PXDNL: variants seen among roughly 807,000 people sequenced by gnomAD.
PXDNL encodes the protein peroxidasin like, also known as probable oxidoreductase PXDNL.
PXDNL carries 145 observed loss-of-function variants against 150.8 expected under a neutral mutation model. That is an observed-to-expected ratio of 0.96 (90% CI 0.84 to 1.10). The LOEUF is 1.10. PXDNL is among the 50% of genes least tolerant of loss of function. The probability of loss-of-function intolerance (pLI) is 0.00; values close to 1 mark genes in which losing one functional copy is unlikely to be tolerated. For missense variants in PXDNL, 2,087 were observed against 1,873.9 expected (o/e 1.11, Z -2.10); for synonymous variants, 757 against 725.7 (o/e 1.04, Z -0.69).
At chr8:51,572,036 A>C (rs755559127) in intron 3 of PXDNL, among the ~76,000 whole-genome samples, 1 of 151,858 alleles carries the variant, frequency 6.6e-6, no homozygotes, top group Non-Finnish European at 1.5e-5. Flanking sequence ...CAACCAGATA[A>C]ACCCATTGTA....
chr8:51,766,491 T>C (rs921120945), intron 1 of PXDNL, among the ~76,000 whole-genome samples: 1 of 152,074 alleles, frequency 6.6e-6, no homozygotes, highest in Non-Finnish European at 1.5e-5. Flanking sequence ...GCCTAAAAAA[T>C]TCACTTTATC....
intron 8 of PXDNL, among the ~76,000 whole-genome samples, chr8:51,465,877 T>C (rs1810194494): frequency 6.6e-6 from 1 of 151,978 alleles, no homozygotes; most frequent in Non-Finnish European, 1.5e-5. Context: ...ACTCAAAACA[T>C]TGTTGAAAGA....
At chr8:51,387,811 A>G (rs1236362613) in intron 17 of PXDNL, among the ~76,000 whole-genome samples, 1 of 152,184 alleles carries the variant, frequency 6.6e-6, no homozygotes, top group East Asian at 1.9e-4. Context: ...CTCTGAGATG[A>G]CTGAATGGGT....
intron 3 of PXDNL, among the ~76,000 whole-genome samples, chr8:51,581,172 A>G (rs1813203162): frequency 6.6e-6 from 1 of 152,126 alleles, no homozygotes; most frequent in African/African-American, 2.4e-5. Flanking sequence ...GGTTAGGGTA[A>G]CAGTATGACT....
rs143004029 is a variant in PXDNL, at chr8:51,453,908, C to CAT, written c.983-125_983-124dup. The stretch of plus-strand genomic sequence containing the variant: ...AATTCCTTTAAACTAAAATATTACA[C>CAT]ATATATATATATACACATTTAATTC... On this transcript the variant is annotated intron_variant, in intron 9 of 22. Transcript: ENST00000356297. 3.5e-3 allele frequency: 2,717 copies of CAT among 780,936 alleles called. 35 individuals carry two copies. Among genetic ancestry groups the CAT allele is most frequent in the East Asian group, 0.034 (1,237 of 36,690 alleles). 48.4% of individuals were successfully genotyped at this position (780,936 alleles called of 1,614,324 possible).
At chr8:51,581,827 A>C (rs1223915381) in intron 3 of PXDNL, among the ~76,000 whole-genome samples, 1 of 152,160 alleles carries the variant, frequency 6.6e-6, no homozygotes, top group South Asian at 2.1e-4. Flanking sequence ...AGAATTCAGC[A>C]GTGAAGCCAT....
intron 19 of PXDNL, among the ~76,000 whole-genome samples, chr8:51,370,876 C>T (rs1325197057): frequency 2.0e-5 from 3 of 152,248 alleles, no homozygotes; most frequent in East Asian, 1.9e-4. Context: ...GGATTACAGG[C>T]GTGAGCCTCC....
chr8:51,608,576 G>C (rs970382888), intron 2 of PXDNL, among the ~76,000 whole-genome samples: 2 of 147,936 alleles, frequency 1.4e-5, no homozygotes, highest in Non-Finnish European at 3.0e-5. Context: ...GGTGGCTCAC[G>C]CCTGTAATCC....
At chr8:51,333,237 T>C (rs569892995) in intron 21 of PXDNL, among the ~76,000 whole-genome samples, 4 of 152,020 alleles carry the variant, frequency 2.6e-5, no homozygotes, top group Admixed American at 2.6e-4. Flanking sequence ...ACAGCGAAAC[T>C]AAGCAACATA....
intron 17 of PXDNL, among the ~76,000 whole-genome samples, chr8:51,400,374 T>A (rs1808210588): frequency 1.3e-5 from 2 of 152,206 alleles, no homozygotes; most frequent in South Asian, 2.1e-4. Context: ...CTAAAAAATT[T>A]TGGATTTTTG....
intron 4 of PXDNL, among the ~76,000 whole-genome samples, chr8:51,521,775 A>C (rs1047814767): frequency 9.9e-5 from 15 of 152,176 alleles, no homozygotes; most frequent in African/African-American, 3.6e-4. Context: ...AAAAAGAAAA[A>C]AAGATAAACT....
chr8:51,360,167 G>A (rs969442850), intron 19 of PXDNL, among the ~76,000 whole-genome samples: 3 of 151,738 alleles, frequency 2.0e-5, no homozygotes, highest in Non-Finnish European at 4.4e-5. Flanking sequence ...ATACATGCAT[G>A]TATACAACCA....
At chr8:51,657,170 A>G (rs1815169039) in intron 1 of PXDNL, among the ~76,000 whole-genome samples, 2 of 152,212 alleles carry the variant, frequency 1.3e-5, no homozygotes, top group Admixed American at 1.3e-4. Flanking sequence ...TTTATAATAA[A>G]TGTTGACTAT....
Position 51,576,736 on chromosome 8 carries a change from A to T in PXDNL, c.308+15891T>A, listed in dbSNP as rs187156790. ...GAACTAAAAAAAAGCTGATTATTTTAAAAAATTAATAAAATTGAAAAACCT... is the reference window on the plus strand; with the variant it reads ...GAACTAAAAAAAAGCTGATTATTTTTAAAAATTAATAAAATTGAAAAACCT... On this transcript the variant is annotated intron_variant, in intron 3 of 22. Coordinates refer to ENST00000356297, the MANE Select transcript of PXDNL (RefSeq NM_144651.5). Among the ~76,000 whole-genome samples, 224 of 151,894 alleles carry T rather than the reference A, an allele frequency of 1.5e-3. 1 individual carries two copies. The highest frequency in any genetic ancestry group is 5.1e-3 in the African/African-American group (212 of 41,540).
At chr8:51,672,817 T>G (rs1815528057) in intron 1 of PXDNL, among the ~76,000 whole-genome samples, 1 of 152,160 alleles carries the variant, frequency 6.6e-6, no homozygotes, top group Non-Finnish European at 1.5e-5. Context: ...TATTAGCCAG[T>G]ATTAGTCAAT....
intron 1 of PXDNL, among the ~76,000 whole-genome samples, chr8:51,799,938 C>A (rs2037601414): frequency 1.3e-5 from 2 of 152,166 alleles, no homozygotes; most frequent in African/African-American, 4.8e-5. Context: ...AATATTTAGC[C>A]TCTAATTCTC....
intron 1 of PXDNL, among the ~76,000 whole-genome samples, chr8:51,665,789 A>T (rs1375500836): frequency 6.6e-6 from 1 of 152,204 alleles, no homozygotes; most frequent in Non-Finnish European, 1.5e-5. Flanking sequence ...TTCTGTGCAG[A>T]TCTGCCTGAG....
intron 7 of PXDNL, 130 bp downstream of exon 7, chr8:51,474,842 T>TAA (rs1810434720): frequency 4.1e-6 from 3 of 738,452 alleles, no homozygotes; most frequent in Non-Finnish European, 6.0e-6. Context: ...GGCCATACTT[T>TAA]TACCACATTC....
At chr8:51,691,692 A>G (rs1315047906) in intron 1 of PXDNL, among the ~76,000 whole-genome samples, 2 of 152,328 alleles carry the variant, frequency 1.3e-5, no homozygotes, top group East Asian at 3.9e-4. Flanking sequence ...CCACTAAACA[A>G]TGCCAAGACA....
Sources: gnomAD v4.1 joint callset for allele counts (sites outside exome capture counted in the v4.1 genomes callset) on GRCh38, gnomAD v4.1.1 for gene constraint, MANE v1.5 for transcripts, NCBI Gene and HGNC (gene_info 2026-07-23, HGNC 2026-07-21) for gene names.